The following CACNA1F variants were observed in gnomAD, a reference collection of about 807,000 sequenced individuals.
CACNA1F encodes the protein calcium voltage-gated channel subunit alpha1 F, also known as voltage-dependent L-type calcium channel subunit alpha-1F.
Under a neutral mutation model 143.8 loss-of-function variants are expected in CACNA1F, and 59 were observed. The ratio of observed to expected loss-of-function variants is 0.41; its 90% CI spans 0.33 to 0.51. The LOEUF is 0.51. Among genes scored for constraint, CACNA1F ranks in the 20% least tolerant of loss-of-function variants. The pLI, the probability that CACNA1F is intolerant of heterozygous loss-of-function variation, is 0.22. For synonymous variants in CACNA1F, 643 were observed against 649.1 expected (o/e 0.99, Z 0.14); for missense variants, 1,411 against 1,647.5 (o/e 0.86, Z 2.48).
chrX:49,206,392 CAAAAAAA>C (rs1168190548), intron 46 of CACNA1F, 112 bp downstream of exon 46: 19 of 170,429 alleles, frequency 1.1e-4, no homozygotes, highest in African/African-American at 2.2e-4. Context: ...AACTCTGTCT[CAAAAAAA>C]AAAAAAAAAA....
At chrX:49,213,193 A>G (rs1239097777) in intron 31 of CACNA1F, among the ~76,000 whole-genome samples, 199 bp from the exon 32 acceptor site, 2 of 110,881 alleles carry the variant, frequency 1.8e-5, no homozygotes, top group Admixed American at 9.6e-5. Context: ...GAGAGGAGAG[A>G]GTAAAGGAGG....
At chrX:49,226,541 C>T in intron 10 of CACNA1F, 39 bp from the exon 11 acceptor site, 1 of 1,158,355 alleles carries the variant, frequency 8.6e-7, no homozygotes, top group Non-Finnish European at 1.2e-6. Context: ...GACCTGAAGA[C>T]CCCGAGGTCC....
intron 17 of CACNA1F, 76 bp downstream of exon 17, chrX:49,222,446 G>A (rs1468165494): frequency 1.6e-5 from 13 of 807,418 alleles, no homozygotes; most frequent in African/African-American, 4.1e-5. Context: ...GGCATCTCTG[G>A]TGGTGGGGGT....
At chrX:49,232,083 T>A (rs1262285603) in intron 1 of CACNA1F, among the ~76,000 whole-genome samples, 156 bp from the exon 2 acceptor site, 4 of 110,634 alleles carry the variant, frequency 3.6e-5, no homozygotes, top group Non-Finnish European at 7.6e-5. Context: ...GAAGTAAGAG[T>A]GTTCGAATTA....
intron 14 of CACNA1F, 94 bp from the exon 15 acceptor site, chrX:49,223,230 C>G: frequency 1.7e-6 from 1 of 573,139 alleles, no homozygotes; most frequent in Admixed American, 2.7e-5. Context: ...GCTTGAGATG[C>G]ACCTCGGCAG....
At chrX:49,221,855 C>T (rs782720543) in intron 17 of CACNA1F, among the ~76,000 whole-genome samples, 2 of 108,893 alleles carry the variant, frequency 1.8e-5, no homozygotes, top group Non-Finnish European at 3.8e-5. Context: ...TGGTGGTGTA[C>T]GTCTGTAATC....
At chrX:49,207,945 G>A (rs1004979860) in intron 43 of CACNA1F, among the ~76,000 whole-genome samples, 20 of 105,533 alleles carry the variant, frequency 1.9e-4, no homozygotes, top group African/African-American at 6.9e-4. Flanking sequence ...TGTAATCCCA[G>A]CACTTTGGGA....
In CACNA1F at chrX:49,228,397, G is replaced by A. The variant is rs2065845671; in HGVS notation, c.868C>T (p.Arg290Cys). The change falls in exon 7 of 48, where the codon CGT (arginine) becomes TGT (cysteine). Residue 290 changes from arginine (R) to cysteine (C), a missense_variant. By Grantham distance (180) the Arg-to-Cys change is radical. This residue lies in a region of CACNA1F where 950 missense variants were observed against 1,128.1 expected (regional missense o/e 0.84). Transcript: ENST00000323022. ...TCAGTCTGGTTCAGCGTGCACGCAC[G>A]CCCTGATCCCGAAGACGCACAGGGC... Reference protein sequence around the residue: ...PSPCASSGSGRACTLNQTECR... With the variant: ...PSPCASSGSGCACTLNQTECR... 4 of 1,209,682 alleles carry A rather than the reference G, an allele frequency of 3.3e-6. No individual in the cohort carries two copies. The highest frequency in any genetic ancestry group is 4.5e-6 in the Non-Finnish European group (4 of 894,057).
intron 2 of CACNA1F, among the ~76,000 whole-genome samples, 154 bp from the exon 3 acceptor site, chrX:49,231,461 C>T (rs1490957961): frequency 9.0e-6 from 1 of 111,410 alleles, no homozygotes; most frequent in Non-Finnish European, 1.9e-5. Flanking sequence ...CTTTGTCCCT[C>T]CTGGAAACCT....
At chrX:49,221,379 C>G (rs2065773405) in intron 17 of CACNA1F, among the ~76,000 whole-genome samples, 1 of 111,566 alleles carries the variant, frequency 9.0e-6, no homozygotes, top group African/African-American at 3.3e-5. Context: ...CTCCATACCA[C>G]TCTCCTCCTT....
chrX:49,205,788 C>A lies in CACNA1F; in HGVS notation c.5498G>T (p.Arg1833Leu). ...CAGCGGGGCATACAGGAGCCGACCC[C>A]GCTGAGGTGGTGTTGCCCAGGAACC... ...AQGSWATPPQ[R>L]GRLLYAPLLL... Residue 1833 changes from arginine to leucine, a missense_variant, in exon 47 of 48, where the codon CGG becomes CTG. Physicochemically the swap from Arg to Leu is moderately radical, Grantham distance 102. This residue lies in a region of CACNA1F where 349 missense variants were observed against 350.2 expected (regional missense o/e 1.00). Coordinates refer to ENST00000323022, the MANE Select transcript of CACNA1F (RefSeq NM_001256789.3). The A allele has an allele frequency of 8.3e-7, 1 of 1,202,636 alleles. No individual in the cohort carries two copies. The highest frequency in any genetic ancestry group is 3.0e-5 in the East Asian group (1 of 33,317).
rs1883345092 is a variant in CACNA1F at position 49,215,325 on chromosome X, CA to C, written c.3438+16del. 2.5e-6 allele frequency: 3 copies of C among 1,208,429 alleles called. No homozygotes were observed. The highest frequency in any genetic ancestry group is 1.7e-5 in the African/African-American group (1 of 57,532). Reference sequence around the variant, plus strand: ...GGGTTGGTGACCATCCATAGGGGGTCAGGGGTCAGAGGTCACCTGGTTCTTG... The same window carrying C: ...GGGTTGGTGACCATCCATAGGGGGTCGGGGTCAGAGGTCACCTGGTTCTTG... On this transcript the variant is annotated intron_variant, in intron 28 of 47. Coordinates refer to ENST00000323022, the MANE Select transcript of CACNA1F (RefSeq NM_001256789.3).
At chrX:49,209,096 G>A (rs1557105582) in intron 42 of CACNA1F, 166 bp downstream of exon 42, 2 of 570,573 alleles carry the variant, frequency 3.5e-6, no homozygotes, top group Non-Finnish European at 5.7e-6. Flanking sequence ...CAAAGTGCTG[G>A]GATTATAGGC....
intron 17 of CACNA1F, 106 bp downstream of exon 17, chrX:49,222,416 G>A: frequency 3.4e-6 from 2 of 596,807 alleles, no homozygotes; most frequent in Non-Finnish European, 5.6e-6. Context: ...CTGGAGATGG[G>A]GATTACCAGG....
Position 49,209,366 on chromosome X carries a change from C to T in CACNA1F, c.4849G>A (p.Gly1617Ser), listed in dbSNP as rs1557105669. Reference protein sequence around the residue: ...QAGLRSLQDLGPEMRQALTCD... With the variant: ...QAGLRSLQDLSPEMRQALTCD... ...GTGAGGGCCTGCCGCATCTCAGGAC[C>T]CAAGTCCTGCAGGCTCCGCAGACCA... Residue 1617 changes from glycine (G) to serine (S), a missense_variant, in exon 42 of 48, where the codon GGT becomes AGT. By Grantham distance (56) the Gly-to-Ser change is moderately conservative (BLOSUM62 0). This residue lies in a region of CACNA1F where 349 missense variants were observed against 350.2 expected (regional missense o/e 1.00). Transcript: ENST00000323022. 2 of 1,210,032 alleles carry T rather than the reference C, an allele frequency of 1.7e-6. No homozygotes were observed.
chrX:49,205,315 G>T lies in CACNA1F; in HGVS notation c.5723C>A (p.Ala1908Asp). 8.3e-7 allele frequency: 1 copy of T among 1,209,200 alleles called. No homozygotes were observed. The highest frequency in any genetic ancestry group is 1.1e-6 in the Non-Finnish European group (1 of 894,302). The change falls in exon 48 of 48, where the codon GCC (alanine) becomes GAC (aspartate). Residue 1908 changes from alanine (A) to aspartate (D), a missense_variant. This residue lies in a region of CACNA1F where 349 missense variants were observed against 350.2 expected (regional missense o/e 1.00). Transcript: ENST00000323022. The stretch of plus-strand genomic sequence containing the variant: ...ATCTGCAATCTCCTGCTTGGCCAGG[G>T]CCACGAAACGTGGGTCTCGAGCAAA... Reference protein sequence around the residue: ...GLFARDPRFVALAKQEIADAC... With the variant: ...GLFARDPRFVDLAKQEIADAC...
Position 49,226,640 on chromosome X carries a change from T to C in CACNA1F, c.1339A>G (p.Thr447Ala), listed in dbSNP as rs1345440108. 4.2e-6 allele frequency: 5 copies of C among 1,180,831 alleles called. No individual in the cohort carries two copies. The highest frequency in any genetic ancestry group is 5.7e-6 in the Non-Finnish European group (5 of 880,713). ...RGRLRWFSHS[T>A]RSTHSTSSHA... ...CTGCTGGTGGAGTGTGTGGAGCGAG[T>C]AGAATGACTGAACCAGCGCAGACGT... The change falls in exon 10 of 48, where the codon ACT becomes GCT. Residue 447 changes from threonine (T) to alanine (A), a missense_variant. Thr to Ala is a moderately conservative substitution (Grantham distance 58, BLOSUM62 0). Transcript: ENST00000323022.
chrX:49,218,833 G>A, intron 22 of CACNA1F, 49 bp downstream of exon 22: 1 of 1,115,643 alleles, frequency 9.0e-7, no homozygotes, highest in Admixed American at 2.3e-5. Flanking sequence ...AGAACCGGTG[G>A]GGAGAGTGCC....
chrX:49,212,253 A>G lies in CACNA1F; in HGVS notation c.3998T>C (p.Ile1333Thr), dbSNP rs1302336874. The G allele has an allele frequency of 6.6e-6, 8 of 1,205,750 alleles. No individual in the cohort carries two copies. Among genetic ancestry groups the G allele is most frequent in the South Asian group, 3.5e-5 (2 of 56,464 alleles). Reference sequence around the variant, plus strand: ...AGGGTCCCCACTTGCCTGCATGCCAATGACGGCATAGATGAAGAATATCAT... The same window carrying G: ...AGGGTCCCCACTTGCCTGCATGCCAGTGACGGCATAGATGAAGAATATCAT... ...IAMIFFIYAVIGMQMFGKVAL... is the reference protein window; with the variant it reads ...IAMIFFIYAVTGMQMFGKVAL... The change falls in exon 34 of 48, where the codon ATT becomes ACT. Residue 1333 changes from isoleucine to threonine, a missense_variant. Physicochemically the swap from Ile to Thr is moderately conservative, Grantham distance 89. Around this residue, in one of 3 missense-constraint regions of CACNA1F, gnomAD observed 950 missense variants for 1,128.1 expected, o/e 0.84. Transcript: ENST00000323022.
Sources: gnomAD v4.1 joint callset for allele counts (sites outside exome capture counted in the v4.1 genomes callset) on GRCh38, gnomAD v4.1.1 for gene constraint, gnomAD v4.1.1 regional missense constraint, MANE v1.5 for transcripts, NCBI Gene and HGNC (gene_info 2026-07-23, HGNC 2026-07-21) for gene names.